The following SRC variants were observed in gnomAD, a reference collection of about 807,000 sequenced individuals.
The protein encoded by SRC is proto-oncogene tyrosine-protein kinase Src.
In SRC, 13 loss-of-function variants were observed where a neutral mutation model predicts 62.9. The ratio of observed to expected loss-of-function variants is 0.21; its 90% CI spans 0.13 to 0.33. The LOEUF (loss-of-function observed/expected upper bound fraction) is 0.33. Among genes scored for constraint, SRC ranks in the 10% least tolerant of loss-of-function variants. SRC has a pLI of 1.00. For synonymous variants in SRC, 302 were observed against 317.5 expected (o/e 0.95, Z 0.52); for missense variants, 457 against 737.3 (o/e 0.62, Z 4.40).
rs544570483 is a variant in SRC, at chr20:37,387,095, T to C, written c.350+921T>C. Among the ~76,000 whole-genome samples, 3 of 152,304 alleles carry C rather than the reference T, an allele frequency of 2.0e-5. No homozygotes were observed. In the East Asian group the frequency reaches 5.8e-4, roughly 29 times the overall value. On this transcript the variant is annotated intron_variant, in intron 5 of 13. Coordinates refer to ENST00000373578, the MANE Select transcript of SRC (RefSeq NM_198291.3). ...ACGGGTGTGGAAGGCAGGAAGGTTC[T>C]AGAAGGCAGAGGAGAATCGATCCCT...
At chr20:37,393,341 G>A (rs1205802125) in intron 5 of SRC, among the ~76,000 whole-genome samples, 1 of 152,232 alleles carries the variant, frequency 6.6e-6, no homozygotes, top group Non-Finnish European at 1.5e-5. Context: ...GCAGGGTTGG[G>A]GCCTGGATGG....
At chr20:37,389,870 G>A (rs142085543) in intron 5 of SRC, among the ~76,000 whole-genome samples, 209 of 152,204 alleles carry the variant, frequency 1.4e-3, no homozygotes, top group African/African-American at 4.7e-3. Flanking sequence ...GGGTGGGAAG[G>A]CTTCCCTTCC....
At chr20:37,357,311 C>T (rs1471172071) in intron 1 of SRC, among the ~76,000 whole-genome samples, 3 of 152,190 alleles carry the variant, frequency 2.0e-5, no homozygotes, top group African/African-American at 7.2e-5. Context: ...GCTGCCCTGG[C>T]CAACATCTGG....
chr20:37,393,355 C>G (rs2070584471), intron 5 of SRC, among the ~76,000 whole-genome samples: 1 of 152,234 alleles, frequency 6.6e-6, no homozygotes, highest in Admixed American at 6.5e-5. Context: ...TGGATGGTCA[C>G]TGGGTCCCAG....
intron 1 of SRC, among the ~76,000 whole-genome samples, chr20:37,357,125 G>A (rs975261612): frequency 3.9e-5 from 6 of 152,234 alleles, no homozygotes; most frequent in African/African-American, 1.4e-4. Context: ...TCAGCACAGA[G>A]GACAAAGCCC....
At chr20:37,388,450 A>G (rs764707470) in intron 5 of SRC, among the ~76,000 whole-genome samples, 4 of 152,168 alleles carry the variant, frequency 2.6e-5, no homozygotes, top group Non-Finnish European at 5.9e-5. Context: ...CTTCGCTTAG[A>G]CGTCAGAGAT....
At chr20:37,375,793 A>G (rs2070266900) in intron 2 of SRC, among the ~76,000 whole-genome samples, 1 of 152,244 alleles carries the variant, frequency 6.6e-6, no homozygotes, top group South Asian at 2.1e-4. Flanking sequence ...AGCTTAAACC[A>G]TGAACATTTA....
At chr20:37,389,903 A>C (rs376035049) in intron 5 of SRC, among the ~76,000 whole-genome samples, 1 of 152,090 alleles carries the variant, frequency 6.6e-6, no homozygotes, top group Non-Finnish European at 1.5e-5. Context: ...TGCCCACCTG[A>C]TGAGGACCAG....
intron 2 of SRC, among the ~76,000 whole-genome samples, chr20:37,374,127 T>G (rs1034145965): frequency 6.6e-6 from 1 of 151,664 alleles, no homozygotes. Flanking sequence ...TTGCCCAGGC[T>G]GGAGTGCAGT....
intron 2 of SRC, among the ~76,000 whole-genome samples, chr20:37,369,648 C>T (rs2070129993): frequency 6.6e-6 from 1 of 152,012 alleles, no homozygotes; most frequent in Non-Finnish European, 1.5e-5. Context: ...TCCTAATTGT[C>T]CGGGCTAGAA....
intron 1 of SRC, among the ~76,000 whole-genome samples, chr20:37,349,618 T>G (rs1313931231): frequency 6.6e-6 from 1 of 152,234 alleles, no homozygotes; most frequent in African/African-American, 2.4e-5. Context: ...TGCTTTGCGC[T>G]GTTGCATTGG....
chr20:37,353,782 C>T (rs1008288043), intron 1 of SRC, among the ~76,000 whole-genome samples: 2 of 152,202 alleles, frequency 1.3e-5, no homozygotes, highest in East Asian at 1.9e-4. Context: ...TCTACTTCCA[C>T]AGACCCTTGA....
At chr20:37,358,722 C>T (rs1479833221) in intron 1 of SRC, among the ~76,000 whole-genome samples, 1 of 152,230 alleles carries the variant, frequency 6.6e-6, no homozygotes, top group Non-Finnish European at 1.5e-5. Flanking sequence ...CAGTTGTGCT[C>T]TCCAGGGCGT....
At chr20:37,388,403 T>A (rs1484859383) in intron 5 of SRC, among the ~76,000 whole-genome samples, 2 of 152,092 alleles carry the variant, frequency 1.3e-5, no homozygotes, top group Non-Finnish European at 2.9e-5. Flanking sequence ...GTGGGTGGAT[T>A]GGGAGCCCCT....
chr20:37,366,454 G>A (rs567560398), intron 2 of SRC, among the ~76,000 whole-genome samples: 32 of 152,218 alleles, frequency 2.1e-4, no homozygotes, highest in Non-Finnish European at 4.0e-4. Flanking sequence ...TTGTACAATC[G>A]TCACCACAGT....
chr20:37,378,761 C>CG (rs950854915), intron 2 of SRC, among the ~76,000 whole-genome samples: 1 of 152,028 alleles, frequency 6.6e-6, no homozygotes, highest in Non-Finnish European at 1.5e-5. Flanking sequence ...CCTCTGGCTG[C>CG]GGGGGGAGGG....
Position 37,384,402 on chromosome 20 carries a change from C to G in SRC, c.249C>G (p.Ala83=). 3.5e-6 allele frequency: 5 copies of G among 1,410,248 alleles called. No homozygotes were observed. The highest frequency in any genetic ancestry group is 4.6e-6 in the Non-Finnish European group (5 of 1,088,462). The allele number at this position is 1,410,248 out of a possible 1,614,324, so 87.4% of individuals were successfully genotyped here. A position where few individuals can be genotyped will look rare whatever the true frequency, so the allele number is the denominator to read the frequency against. The change falls in exon 4 of 14, where the codon GCC becomes GCG. Residue 83 remains alanine, a splice_region_variant and synonymous_variant. Transcript: ENST00000373578. This position sits in a 1 kb window ranked among gnomAD's most constrained non-coding sequence, Gnocchi z 6.7. Reference sequence around the variant, plus strand: ...CCCCGCAGAGGGCGGGCCCGCTGGCCGGTCAGTGCGCGGGCGGCGCGGGGT... The same window carrying G: ...CCCCGCAGAGGGCGGGCCCGCTGGCGGGTCAGTGCGCGGGCGGCGCGGGGT... ...VTSPQRAGPL[A]GGVTTFVALY... is the part of the protein sequence containing the mutation.
At chr20:37,387,311 A>C (rs1036037013) in intron 5 of SRC, among the ~76,000 whole-genome samples, 2 of 152,132 alleles carry the variant, frequency 1.3e-5, no homozygotes, top group African/African-American at 2.4e-5. Context: ...AGAGGGGCAA[A>C]GGGGAACAGA....
intron 2 of SRC, among the ~76,000 whole-genome samples, chr20:37,376,158 G>T (rs974032543): frequency 6.6e-6 from 1 of 152,142 alleles, no homozygotes; most frequent in South Asian, 2.1e-4. Context: ...GCTTTTGTAG[G>T]CCTTGGCTCC....
Sources: allele counts gnomAD v4.1 joint callset (sites outside exome capture counted in the v4.1 genomes callset), GRCh38; gene constraint gnomAD v4.1.1; non-coding constraint Gnocchi (gnomAD v3.1); transcripts MANE v1.5; gene names NCBI Gene and HGNC (gene_info 2026-07-23, HGNC 2026-07-21).